CASTOR2: variants seen among roughly 807,000 people sequenced by gnomAD.
CASTOR2 encodes the protein cytosolic arginine sensor for mTORC1 subunit 2.
A neutral mutation model predicts 31.2 loss-of-function variants in CASTOR2; 8 were observed. The observed-to-expected ratio is 0.26, with a 90% CI of 0.15 to 0.46. The LOEUF (loss-of-function observed/expected upper bound fraction) is 0.46. CASTOR2 is among the 20% of genes least tolerant of loss of function. The pLI is 0.99. For missense variants in CASTOR2, 216 were observed against 382.1 expected (o/e 0.57, Z 3.62); for synonymous variants, 162 against 158.7 (o/e 1.02, Z -0.16).
chr7:75,013,592 A>G (rs1466760778), intron 2 of CASTOR2, among the ~76,000 whole-genome samples: 20 of 152,232 alleles, frequency 1.3e-4, no homozygotes, highest in Admixed American at 2.0e-4. Context: ...GCAGTGAGCC[A>G]TGATTGTACC....
rs1214321725 is a variant in CASTOR2 at position 75,019,977 on chromosome 7, C to T, written c.636-62C>T. 4 of 1,490,278 alleles carry T rather than the reference C, an allele frequency of 2.7e-6. No homozygotes were observed. The African/African-American group carries it at 4.2e-5, about 16-fold the overall frequency. The allele number at this position is 1,490,278 out of a possible 1,614,324, so 92.3% of individuals were successfully genotyped here. On this transcript the variant is annotated intron_variant, in intron 5 of 8. Coordinates refer to ENST00000616305, the MANE Select transcript of CASTOR2 (RefSeq NM_001145064.3). ...CTGGGCAGGGCCCAGCTTCCCTGGG[C>T]TGGTGTGAATGGGGCAGGGGCCACA...
chr7:74,990,690 A>G (rs1466159591), intron 1 of CASTOR2, among the ~76,000 whole-genome samples: 1 of 152,032 alleles, frequency 6.6e-6, no homozygotes, highest in Non-Finnish European at 1.5e-5. Context: ...TCCCATCTCT[A>G]CTGAAAGTAC....
Position 74,997,862 on chromosome 7 carries a change from G to A in CASTOR2, c.114-10132G>A, listed in dbSNP as rs1211100156. Among the ~76,000 whole-genome samples, 79 of 151,908 alleles carry A rather than the reference G, an allele frequency of 5.2e-4. 3 individuals are homozygous for A. Among genetic ancestry groups the A allele is most frequent in the African/African-American group, 1.9e-3 (77 of 41,410 alleles). On this transcript the variant is annotated intron_variant, in intron 1 of 8. Transcript: ENST00000616305. ...ATTGCTGACACTTGTTTATCTCTTT[G>A]CTTAACACTGTGGATGGTTCATGTG...
intron 1 of CASTOR2, among the ~76,000 whole-genome samples, chr7:74,998,891 C>T (rs1261120354): frequency 2.6e-5 from 4 of 152,132 alleles, no homozygotes; most frequent in African/African-American, 4.8e-5. Flanking sequence ...CCTTTGGTAA[C>T]GCTGCCTCTC....
intron 1 of CASTOR2, among the ~76,000 whole-genome samples, chr7:75,004,686 A>G (rs1363724919): frequency 7.9e-5 from 12 of 152,022 alleles, no homozygotes; most frequent in Non-Finnish European, 1.5e-4. Flanking sequence ...ACCTCGAGTG[A>G]TCCGCCCACC....
Position 75,025,440 on chromosome 7 carries a change from A to T in CASTOR2, c.*741A>T, listed in dbSNP as rs1208288692. On this transcript the variant is annotated 3_prime_UTR_variant, in exon 9 of 9. Transcript: ENST00000616305. The stretch of plus-strand genomic sequence containing the variant: ...GGTCCCAGGAGACCCACCAGCCTGG[A>T]GCACCAGCTCCTGTCCCCTCGGCTC... 6.6e-6 allele frequency among the ~76,000 whole-genome samples: 1 copy of T among 152,188 alleles called. No homozygotes were observed. The highest frequency in any genetic ancestry group is 6.5e-5 in the Admixed American group (1 of 15,292).
chr7:75,003,864 C>T (rs1804550945), intron 1 of CASTOR2, among the ~76,000 whole-genome samples: 1 of 152,094 alleles, frequency 6.6e-6, no homozygotes, highest in South Asian at 2.1e-4. Flanking sequence ...GGCTAATCTG[C>T]CCTCCCCGAA....
At chr7:75,020,681 A>G (rs587767757) in intron 6 of CASTOR2, among the ~76,000 whole-genome samples, 25 of 150,898 alleles carry the variant, frequency 1.7e-4, no homozygotes, top group Non-Finnish European at 3.0e-4. Flanking sequence ...AGTAGAGACC[A>G]GGTTTCACCA....
chr7:75,013,831 G>A (rs1335279811), intron 2 of CASTOR2, among the ~76,000 whole-genome samples: 3 of 152,006 alleles, frequency 2.0e-5, no homozygotes, highest in Non-Finnish European at 1.5e-5. Context: ...GGGTTCAAGC[G>A]ATTCTCATGC....
chr7:74,972,563 G>T (rs1803700478), intron 1 of CASTOR2, among the ~76,000 whole-genome samples: 1 of 149,400 alleles, frequency 6.7e-6, no homozygotes, highest in Non-Finnish European at 1.5e-5. Flanking sequence ...TCCTGGGCCG[G>T]ATCTGCTGAA....
intron 1 of CASTOR2, among the ~76,000 whole-genome samples, chr7:75,003,405 A>G (rs1224022897): frequency 6.6e-6 from 1 of 151,466 alleles, no homozygotes; most frequent in Non-Finnish European, 1.5e-5. Flanking sequence ...AGCCAAGATC[A>G]TGCCACTGCA....
At chr7:75,018,222 G>A in intron 4 of CASTOR2, 100 bp downstream of exon 4, 1 of 1,546,046 alleles carries the variant, frequency 6.5e-7, no homozygotes, top group Non-Finnish European at 8.7e-7. Flanking sequence ...TGCCCACTGA[G>A]CATGAATGGA....
intron 5 of CASTOR2, among the ~76,000 whole-genome samples, chr7:75,019,805 C>T (rs1274040944): frequency 2.6e-5 from 4 of 152,212 alleles, no homozygotes; most frequent in African/African-American, 7.2e-5. Context: ...AGGCAGGGGC[C>T]GGTGTAACCT....
In CASTOR2 at chr7:75,019,593, G is replaced by A. The variant is rs587731203; in HGVS notation, c.636-446G>A. 3.3e-5 allele frequency among the ~76,000 whole-genome samples: 5 copies of A among 152,352 alleles called. No homozygotes were observed. In the South Asian group the frequency reaches 1.0e-3, roughly 32 times the overall value. On this transcript the variant is annotated intron_variant, in intron 5 of 8. Transcript: ENST00000616305. The stretch of plus-strand genomic sequence containing the variant: ...ACGCCCCAAAGACTCATTGGGAGCT[G>A]TAACAAACTCCCCACTCCCCACTGA...
chr7:75,024,634 G>A lies in CASTOR2; in HGVS notation c.925G>A (p.Val309Ile). ...ISTFKFDHAL[V>I]PEENINGVIS... The stretch of plus-strand genomic sequence containing the variant: ...ATCTGCCTCCTCTACCCCTGCACAG[G>A]TCCCCGAAGAGAACATCAATGGTGT... The change falls in exon 9 of 9, where the codon GTC becomes ATC. Residue 309 changes from valine to isoleucine, a missense_variant and splice_region_variant. Coordinates refer to ENST00000616305, the MANE Select transcript of CASTOR2 (RefSeq NM_001145064.3). 1.3e-6 allele frequency: 2 copies of A among 1,551,536 alleles called. No homozygotes were observed. The highest frequency in any genetic ancestry group is 1.7e-6 in the Non-Finnish European group (2 of 1,146,846).
chr7:74,993,233 T>A (rs1804254384), intron 1 of CASTOR2, among the ~76,000 whole-genome samples: 1 of 151,940 alleles, frequency 6.6e-6, no homozygotes, highest in Non-Finnish European at 1.5e-5. Flanking sequence ...CACATAGAGC[T>A]TCTAGAAGTC....
chr7:75,011,428 CAAA>C (rs1294488684), intron 2 of CASTOR2, among the ~76,000 whole-genome samples: 6 of 65,136 alleles, frequency 9.2e-5, no homozygotes, highest in Non-Finnish European at 1.1e-4. Flanking sequence ...GACTCCATCT[CAAA>C]AAAAAAAAAA....
In CASTOR2 at chr7:75,026,163, C is replaced by T. The variant is rs1805122559; in HGVS notation, c.*1464C>T. Among the ~76,000 whole-genome samples the T allele has an allele frequency of 6.8e-6, 1 of 146,174 alleles. No homozygotes were observed. Among genetic ancestry groups the T allele is most frequent in the Non-Finnish European group, 1.5e-5 (1 of 66,556 alleles). On this transcript the variant is annotated 3_prime_UTR_variant, in exon 9 of 9. Coordinates refer to ENST00000616305, the MANE Select transcript of CASTOR2 (RefSeq NM_001145064.3). ...TTTTCTGAATGAGCAGGACCAAGGG[C>T]CCCTGTGGTTTTGGCTCTGGCGGGG...
chr7:74,983,769 C>T (rs1483011233), intron 1 of CASTOR2, among the ~76,000 whole-genome samples: 6 of 150,092 alleles, frequency 4.0e-5, no homozygotes, highest in Non-Finnish European at 8.9e-5. Context: ...ACCACATATT[C>T]CCAGGCAGGT....
Sources: gnomAD v4.1 joint callset for allele counts (sites outside exome capture counted in the v4.1 genomes callset) on GRCh38, gnomAD v4.1.1 for gene constraint, MANE v1.5 for transcripts, NCBI Gene and HGNC (gene_info 2026-07-23, HGNC 2026-07-21) for gene names.